The following ADAMTS2 variants were observed in gnomAD, a reference collection of about 807,000 sequenced individuals.
ADAMTS2 encodes A disintegrin and metalloproteinase with thrombospondin motifs 2.
In ADAMTS2, 50 loss-of-function variants were observed where a neutral mutation model predicts 123.0. The observed-to-expected ratio is 0.41, with a 90% confidence interval of 0.32 to 0.51. The LOEUF (loss-of-function observed/expected upper bound fraction) is 0.51, where lower values mean the gene tolerates loss of function less well. ADAMTS2 is among the 20% of genes least tolerant of loss of function. ADAMTS2 has a pLI of 0.35. For missense variants in ADAMTS2, 1,494 were observed against 1,705.2 expected, an observed-to-expected ratio of 0.88 and a Z score of 2.18; for synonymous variants, 678 against 695.4, an observed-to-expected ratio of 0.98 and a Z score of 0.39.
intron 2 of ADAMTS2, among the ~76,000 whole-genome samples, chr5:179,330,964 A>G (rs889635387): frequency 2.6e-5 from 4 of 152,092 alleles, no homozygotes; most frequent in African/African-American, 9.7e-5. Flanking sequence ...ACAGGTGGGG[A>G]GTTATCTGTA....
chr5:179,261,604 G>A (rs543705838), intron 3 of ADAMTS2, among the ~76,000 whole-genome samples: 1 of 152,366 alleles, frequency 6.6e-6, no homozygotes, highest in Non-Finnish European at 1.5e-5. Context: ...TTTCAAGAGA[G>A]TTTGCACCAG....
chr5:179,340,418 A>G (rs1319873070), intron 2 of ADAMTS2, among the ~76,000 whole-genome samples: 1 of 152,240 alleles, frequency 6.6e-6, no homozygotes, highest in African/African-American at 2.4e-5. Flanking sequence ...CTCAGCTCCC[A>G]GGCCTGCTCC....
At position 179,332,969 on chromosome 5, in the gene ADAMTS2, G is replaced by A. The variant is rs1386080067; in HGVS notation, c.534+10798C>T. On this transcript the variant is annotated intron_variant, in intron 2 of 21. Transcript: ENST00000251582. The surrounding 1 kb of genome is among the most constrained non-coding windows in gnomAD (Gnocchi z 4.2). ...GCAAAGGCCAGCTACTGCCCTGGGA[G>A]CCCTCACCCCCTTATCCTGCCCGCT... is the stretch of plus-strand genomic sequence containing the variant. Among the ~76,000 whole-genome samples the A allele has an allele frequency of 6.6e-6, 1 of 152,190 alleles. No individual in the cohort carries two copies. The highest frequency in any genetic ancestry group is 1.9e-4 in the East Asian group (1 of 5,192).
chr5:179,244,188 G>A (rs900504680), intron 3 of ADAMTS2, among the ~76,000 whole-genome samples: 6 of 142,556 alleles, frequency 4.2e-5, no homozygotes, highest in African/African-American at 1.6e-4. Flanking sequence ...CTTCAAACGG[G>A]ATAAATGCCA....
At chr5:179,323,235 C>T (rs1259685485) in intron 2 of ADAMTS2, among the ~76,000 whole-genome samples, 1 of 152,250 alleles carries the variant, frequency 6.6e-6, no homozygotes, top group Non-Finnish European at 1.5e-5. Context: ...CCTTTGGCTG[C>T]CTTCCCTTCT....
Position 179,314,662 on chromosome 5 carries a change from C to T in ADAMTS2, c.534+29105G>A, listed in dbSNP as rs774485712. On this transcript the variant is annotated intron_variant, in intron 2 of 21. Transcript: ENST00000251582. This position sits in a 1 kb window ranked among gnomAD's most constrained non-coding sequence, Gnocchi z 4.5. Reference sequence around the variant, plus strand: ...CCCATGTGCTTGTCCCACAGGGTGACGGGCCAGAATTACAAGCCCCTGATT... The same window carrying T: ...CCCATGTGCTTGTCCCACAGGGTGATGGGCCAGAATTACAAGCCCCTGATT... Among the ~76,000 whole-genome samples, 6 of 152,172 alleles carry T rather than the reference C, an allele frequency of 3.9e-5. No homozygotes were observed. Among genetic ancestry groups the T allele is most frequent in the African/African-American group, 4.8e-5 (2 of 41,494 alleles).
At chr5:179,304,440 T>C (rs114285753) in intron 2 of ADAMTS2, among the ~76,000 whole-genome samples, 198 of 152,218 alleles carry the variant, frequency 1.3e-3, no homozygotes, top group African/African-American at 4.6e-3. Flanking sequence ...AAATACTCCA[T>C]AAAGTAAGGG....
chr5:179,138,473 G>A (rs1763103737), intron 11 of ADAMTS2, among the ~76,000 whole-genome samples: 1 of 152,348 alleles, frequency 6.6e-6, no homozygotes, highest in East Asian at 1.9e-4. Context: ...ACGGCCGCTG[G>A]GTTTTCTCCC....
chr5:179,298,750 G>T (rs1056457773), intron 2 of ADAMTS2, among the ~76,000 whole-genome samples: 15 of 152,130 alleles, frequency 9.9e-5, no homozygotes, highest in African/African-American at 2.4e-4. Context: ...TAGGGGTGGG[G>T]TGTCACTGGA....
At chr5:179,176,212 C>G (rs1173507693) in intron 5 of ADAMTS2, among the ~76,000 whole-genome samples, 1 of 152,146 alleles carries the variant, frequency 6.6e-6, no homozygotes, top group Non-Finnish European at 1.5e-5. Flanking sequence ...TTCTGGGGAT[C>G]TGGAAAAGGA....
chr5:179,116,162 G>A (rs568039776), intron 21 of ADAMTS2, among the ~76,000 whole-genome samples: 1 of 152,210 alleles, frequency 6.6e-6, no homozygotes, highest in South Asian at 2.1e-4. Context: ...CCTCTTGGCT[G>A]CACTATGGGA....
chr5:179,297,268 C>T (rs972568677), intron 2 of ADAMTS2, among the ~76,000 whole-genome samples: 4 of 152,124 alleles, frequency 2.6e-5, no homozygotes, highest in African/African-American at 7.2e-5. Context: ...GACTTACAAC[C>T]GAAAGCAAAT....
chr5:179,344,304 G>T, intron 1 of ADAMTS2, 143 bp from the exon 2 acceptor site: 1 of 1,119,408 alleles, frequency 8.9e-7, no homozygotes, highest in Non-Finnish European at 1.3e-6. Context: ...AAGCCAGCCT[G>T]CACCTCCCCG....
At chr5:179,302,820 C>T (rs1166773265) in intron 2 of ADAMTS2, among the ~76,000 whole-genome samples, 10 of 151,834 alleles carry the variant, frequency 6.6e-5, no homozygotes. Context: ...GAAGTGGGCT[C>T]CAGCACAGAG....
At chr5:179,320,688 G>A (rs1163949713) in intron 2 of ADAMTS2, among the ~76,000 whole-genome samples, 1 of 152,110 alleles carries the variant, frequency 6.6e-6, no homozygotes, top group African/African-American at 2.4e-5. Context: ...CGTCACCAGT[G>A]GGCAAGGAGG....
intron 5 of ADAMTS2, among the ~76,000 whole-genome samples, chr5:179,165,416 C>T (rs894678975): frequency 6.6e-6 from 1 of 152,194 alleles, no homozygotes; most frequent in Non-Finnish European, 1.5e-5. Flanking sequence ...CATCTACGTC[C>T]CTCCCAGTCC....
intron 3 of ADAMTS2, among the ~76,000 whole-genome samples, chr5:179,254,267 A>T (rs1765993837): frequency 6.6e-6 from 1 of 152,012 alleles, no homozygotes; most frequent in South Asian, 2.1e-4. Context: ...ATCAATCCTT[A>T]GAAGGACTCC....
intron 3 of ADAMTS2, among the ~76,000 whole-genome samples, chr5:179,265,256 A>T (rs576025793): frequency 6.6e-6 from 1 of 152,340 alleles, no homozygotes; most frequent in South Asian, 2.1e-4. Context: ...GCTCCACCAA[A>T]GATCCAGGCC....
At chr5:179,279,998 A>G (rs1296199765) in intron 2 of ADAMTS2, among the ~76,000 whole-genome samples, 1 of 152,168 alleles carries the variant, frequency 6.6e-6, no homozygotes, top group African/African-American at 2.4e-5. Flanking sequence ...TTCCTCTTGG[A>G]GAGCGACCCC....
Sources: allele counts gnomAD v4.1 joint callset (sites outside exome capture counted in the v4.1 genomes callset), GRCh38; gene constraint gnomAD v4.1.1; non-coding constraint Gnocchi (gnomAD v3.1); transcripts MANE v1.5; gene names NCBI Gene and HGNC (gene_info 2026-07-23, HGNC 2026-07-21).